The following CNTNAP2 variants were observed in gnomAD, a reference collection of about 807,000 sequenced individuals.
The protein encoded by CNTNAP2 is contactin-associated protein-like 2.
CNTNAP2 carries 98 observed loss-of-function variants against 155.2 expected under a neutral mutation model. The ratio of observed to expected loss-of-function variants is 0.63; its 90% confidence interval spans 0.54 to 0.75. CNTNAP2 has a LOEUF of 0.75. CNTNAP2 is among the 30% of genes least tolerant of loss of function. CNTNAP2 has a pLI of 0.00. For missense variants in CNTNAP2, 1,727 were observed against 1,688.1 expected, an observed-to-expected ratio of 1.02 and a Z score of -0.40; for synonymous variants, 651 against 631.2, an observed-to-expected ratio of 1.03 and a Z score of -0.47.
At chr7:146,928,082 C>A (rs1207604250) in intron 3 of CNTNAP2, among the ~76,000 whole-genome samples, 3 of 151,768 alleles carry the variant, frequency 2.0e-5, no homozygotes, top group Non-Finnish European at 4.4e-5. Flanking sequence ...GGGCTGGCTA[C>A]TCCTGGTATT....
At chr7:147,651,267 T>G (rs1176586721) in intron 13 of CNTNAP2, among the ~76,000 whole-genome samples, 2 of 152,222 alleles carry the variant, frequency 1.3e-5, no homozygotes, top group East Asian at 3.9e-4. Flanking sequence ...AGGAGGTAGT[T>G]CTTCTTCAAG....
chr7:146,836,817 C>T (rs953348300), intron 2 of CNTNAP2, among the ~76,000 whole-genome samples: 3 of 151,956 alleles, frequency 2.0e-5, no homozygotes, highest in Non-Finnish European at 4.4e-5. Context: ...ATGAATTCTC[C>T]CAGCTTTTGT....
chr7:146,491,111 C>G (rs897270025), intron 1 of CNTNAP2, among the ~76,000 whole-genome samples: 7 of 151,856 alleles, frequency 4.6e-5, no homozygotes, highest in African/African-American at 1.4e-4. Context: ...AACAAAACAA[C>G]AAGCAAACAA....
At chr7:148,301,078 G>A (rs750298253) in intron 21 of CNTNAP2, among the ~76,000 whole-genome samples, 6 of 151,854 alleles carry the variant, frequency 4.0e-5, no homozygotes, top group Non-Finnish European at 8.8e-5. Flanking sequence ...GGTGGATCAC[G>A]AGGTCAGGAG....
intron 8 of CNTNAP2, among the ~76,000 whole-genome samples, chr7:147,238,031 T>C (rs79403134): frequency 0.064 from 9,821 of 152,300 alleles, 373 homozygotes; most frequent in Non-Finnish European, 0.071. Flanking sequence ...TTTTATTTTT[T>C]TGAGACGGAG....
chr7:147,154,127 A>G (rs2116438167), intron 8 of CNTNAP2, among the ~76,000 whole-genome samples: 1 of 152,238 alleles, frequency 6.6e-6, no homozygotes, highest in South Asian at 2.1e-4. Flanking sequence ...AAGAAGAATA[A>G]TTACCCACTA....
chr7:146,989,145 G>A (rs1279139646), intron 3 of CNTNAP2, among the ~76,000 whole-genome samples: 1 of 152,146 alleles, frequency 6.6e-6, no homozygotes, highest in East Asian at 1.9e-4. Context: ...TAAGTATGCA[G>A]GAGGTTTAGC....
At chr7:146,837,596 T>A (rs532788882) in intron 2 of CNTNAP2, among the ~76,000 whole-genome samples, 1 of 152,324 alleles carries the variant, frequency 6.6e-6, no homozygotes, top group African/African-American at 2.4e-5. Flanking sequence ...TTTTCCTGCT[T>A]GTCCAAATGT....
intron 4 of CNTNAP2, among the ~76,000 whole-genome samples, chr7:147,074,913 A>AT (rs1428439378): frequency 6.6e-6 from 1 of 152,002 alleles, no homozygotes; most frequent in South Asian, 2.1e-4. Context: ...CTTCTGAAGC[A>AT]TTTTTTTTAA....
intron 8 of CNTNAP2, among the ~76,000 whole-genome samples, chr7:147,143,185 C>T (rs2129287770): frequency 6.6e-6 from 1 of 152,196 alleles, no homozygotes; most frequent in African/African-American, 2.4e-5. Flanking sequence ...CCTTGCTCTT[C>T]TCTCTGCCTC....
At chr7:147,675,597 G>A (rs1006127156) in intron 13 of CNTNAP2, among the ~76,000 whole-genome samples, 1 of 152,026 alleles carries the variant, frequency 6.6e-6, no homozygotes, top group Non-Finnish European at 1.5e-5. Flanking sequence ...ACATTGGTGA[G>A]GTGGTCTTCT....
intron 9 of CNTNAP2, among the ~76,000 whole-genome samples, chr7:147,392,014 C>A (rs1796727032): frequency 6.6e-6 from 1 of 152,168 alleles, no homozygotes; most frequent in African/African-American, 2.4e-5. Flanking sequence ...CCGATGGCTC[C>A]TTCAATACTC....
At chr7:148,209,777 G>A (rs540093557) in intron 18 of CNTNAP2, among the ~76,000 whole-genome samples, 23 of 152,126 alleles carry the variant, frequency 1.5e-4, no homozygotes, top group African/African-American at 4.1e-4. Context: ...GGAGTTACCC[G>A]TTGCTTTCTG....
At chr7:146,428,667 A>G (rs958395183) in intron 1 of CNTNAP2, among the ~76,000 whole-genome samples, 11 of 151,784 alleles carry the variant, frequency 7.2e-5, no homozygotes, top group Non-Finnish European at 1.6e-4. Flanking sequence ...TCAGATGGAT[A>G]GATTGCAAAA....
chr7:148,182,333 T>C (rs1051405528), intron 18 of CNTNAP2, among the ~76,000 whole-genome samples: 1 of 141,638 alleles, frequency 7.1e-6, no homozygotes. Flanking sequence ...GTTTTGCTTT[T>C]AGATTGCTCA....
intron 2 of CNTNAP2, among the ~76,000 whole-genome samples, chr7:146,798,123 T>A (rs543103555): frequency 6.6e-6 from 1 of 151,934 alleles, no homozygotes; most frequent in Non-Finnish European, 1.5e-5. Flanking sequence ...AATACAAAAG[T>A]TAGCCAGGTA....
At chr7:147,800,146 T>G (rs916871097) in intron 13 of CNTNAP2, among the ~76,000 whole-genome samples, 2 of 152,236 alleles carry the variant, frequency 1.3e-5, no homozygotes, top group Non-Finnish European at 2.9e-5. Flanking sequence ...GAGCCAGTAG[T>G]GCCAAATTTT....
At chr7:147,856,062 G>A (rs917118444) in intron 13 of CNTNAP2, among the ~76,000 whole-genome samples, 4 of 152,162 alleles carry the variant, frequency 2.6e-5, no homozygotes, top group African/African-American at 4.8e-5. Flanking sequence ...GTTTGAGGTC[G>A]AGGAGACCAC....
chr7:147,203,484 G>A (rs566602629), intron 8 of CNTNAP2, among the ~76,000 whole-genome samples: 2 of 151,982 alleles, frequency 1.3e-5, no homozygotes, highest in Non-Finnish European at 2.9e-5. Flanking sequence ...CGCCCGCCTC[G>A]GCCTTCCAAA....
Sources: allele counts gnomAD v4.1 joint callset (sites outside exome capture counted in the v4.1 genomes callset), GRCh38; gene constraint gnomAD v4.1.1; transcripts MANE v1.5; gene names NCBI Gene and HGNC (gene_info 2026-07-23, HGNC 2026-07-21).